Variants in CAND1 observed in about 807,000 individuals in gnomAD.
CAND1 encodes cullin-associated NEDD8-dissociated protein 1.
A neutral mutation model predicts 108.5 loss-of-function variants in CAND1; 7 were observed. That is an observed-to-expected ratio of 0.06 (90% confidence interval 0.04 to 0.12). CAND1 has a LOEUF of 0.12. Among genes scored for constraint, CAND1 ranks in the 10% least tolerant of loss-of-function variants. CAND1 has a pLI of 1.00. For missense variants in CAND1, 941 were observed against 1,448.7 expected (o/e 0.65, Z 5.69); for synonymous variants, 534 against 512.0 (o/e 1.04, Z -0.58).
chr12:67,302,073 T>A (rs1215694430), intron 7 of CAND1, among the ~76,000 whole-genome samples: 1 of 152,182 alleles, frequency 6.6e-6, no homozygotes, highest in Non-Finnish European at 1.5e-5. Flanking sequence ...CATTACAAAG[T>A]AAATGAGAAA....
At chr12:67,275,790 G>C (rs2135989784) in intron 1 of CAND1, among the ~76,000 whole-genome samples, 1 of 152,246 alleles carries the variant, frequency 6.6e-6, no homozygotes, top group Admixed American at 6.5e-5. Flanking sequence ...GTTCCAGACT[G>C]TGTTACTCAT....
chr12:67,312,319 G>A (rs143110755), intron 14 of CAND1, among the ~76,000 whole-genome samples: 4 of 152,186 alleles, frequency 2.6e-5, no homozygotes, highest in African/African-American at 9.6e-5. Flanking sequence ...TAAAGTGTGA[G>A]ACTTGCTAAG....
In CAND1 at chr12:67,269,656, G is replaced by GGCA. The variant is rs2044497895; in HGVS notation, c.-60_-59insAGC. The GGCA allele has an allele frequency of 3.4e-6, 5 of 1,451,210 alleles. No individual in the cohort carries two copies. Among genetic ancestry groups the GGCA allele is most frequent in the Non-Finnish European group, 3.8e-6 (4 of 1,052,188 alleles). The allele number at this position is 1,451,210 out of a possible 1,614,324, so 89.9% of individuals were successfully genotyped here. ...GAGGAGCTCCAGTGGCGGCGGCGGC[G>GGCA]GCGGCAGCGGCAGCGGGCAGCAGCT... On this transcript the variant is annotated 5_prime_UTR_variant, in exon 1 of 15. Coordinates refer to ENST00000545606, the MANE Select transcript of CAND1 (RefSeq NM_018448.5).
Position 67,295,160 on chromosome 12 carries a change from A to C in CAND1, c.491+4A>C. 2 of 1,608,322 alleles carry C rather than the reference A, an allele frequency of 1.2e-6. No individual in the cohort carries two copies. The highest frequency in any genetic ancestry group is 1.7e-6 in the Non-Finnish European group (2 of 1,177,190). ...TTATGGCTGATATGTTGAGCAGGTA[A>C]GTGTGCCTGTTTATTTCCGTTACTC... On this transcript the variant is annotated splice_donor_region_variant and intron_variant, in intron 4 of 14. Coordinates refer to ENST00000545606, the MANE Select transcript of CAND1 (RefSeq NM_018448.5).
intron 4 of CAND1, among the ~76,000 whole-genome samples, chr12:67,296,473 C>T (rs1439222803): frequency 6.6e-6 from 1 of 151,786 alleles, no homozygotes; most frequent in African/African-American, 2.4e-5. Context: ...CTCACTCTGT[C>T]ACCCAGGCTG....
chr12:67,274,700 C>G (rs2044553169), intron 1 of CAND1, among the ~76,000 whole-genome samples: 1 of 152,146 alleles, frequency 6.6e-6, no homozygotes, highest in African/African-American at 2.4e-5. Flanking sequence ...AAATAATTCA[C>G]CCCATTTTGG....
chr12:67,297,335 CCAGA>C (rs2044779024), intron 4 of CAND1, 68 bp from the exon 5 acceptor site: 1 of 1,390,890 alleles, frequency 7.2e-7, no homozygotes, highest in Non-Finnish European at 1.0e-6. Context: ...AGGTCAGAGG[CCAGA>C]CATTTAGTAG....
intron 7 of CAND1, among the ~76,000 whole-genome samples, chr12:67,300,138 A>G (rs2044810297): frequency 6.6e-6 from 1 of 152,166 alleles, no homozygotes. Context: ...AGTCTCGGCA[A>G]CATTTCTTTA....
rs532828116 is a variant in CAND1, at chr12:67,319,621, G to A, written c.*6791G>A. On this transcript the variant is annotated 3_prime_UTR_variant, in exon 15 of 15. Coordinates refer to ENST00000545606, the MANE Select transcript of CAND1 (RefSeq NM_018448.5). ...TCCCCTCCTCCATACCATTGCTGAT[G>A]GTTACTGAGGGTATGGGAAGGGCCG... 2 of 152,320 alleles carry A rather than the reference G, an allele frequency of 1.3e-5. No individual in the cohort carries two copies. Among genetic ancestry groups the A allele is most frequent in the South Asian group, 4.1e-4 (2 of 4,826 alleles). 9.4% of individuals were successfully genotyped at this position (152,320 alleles called of 1,614,324 possible).
At chr12:67,310,373 C>T in intron 13 of CAND1, 57 bp downstream of exon 13, 2 of 1,249,800 alleles carry the variant, frequency 1.6e-6, no homozygotes, top group East Asian at 4.7e-5. Flanking sequence ...GCTAGAGCAA[C>T]TTTCACCCTT....
At chr12:67,289,398 T>C (rs2044701886) in intron 2 of CAND1, among the ~76,000 whole-genome samples, 1 of 152,056 alleles carries the variant, frequency 6.6e-6, no homozygotes, top group Non-Finnish European at 1.5e-5. Flanking sequence ...AATAACATTC[T>C]CTTTTTTTAA....
chr12:67,269,598 G>A lies in CAND1; in HGVS notation c.-120G>A. On this transcript the variant is annotated 5_prime_UTR_variant, in exon 1 of 15. Transcript: ENST00000545606. Reference sequence around the variant, plus strand: ...CTAGTCAGCGTCGGCGTCGCGCTGCGACCCTGGAAGCGGGAGCCGCCGCGA... The same window carrying A: ...CTAGTCAGCGTCGGCGTCGCGCTGCAACCCTGGAAGCGGGAGCCGCCGCGA... The A allele has an allele frequency of 1.2e-6, 1 of 808,026 alleles. No individual in the cohort carries two copies. 50.1% of individuals were successfully genotyped at this position (808,026 alleles called of 1,614,324 possible). A position where few individuals can be genotyped will look rare whatever the true frequency, so the allele number is the denominator to read the frequency against.
chr12:67,309,333 C>A (rs2044924285), intron 11 of CAND1, among the ~76,000 whole-genome samples: 1 of 151,836 alleles, frequency 6.6e-6, no homozygotes. Context: ...CAATTTTCTC[C>A]TTTTATATTA....
chr12:67,269,960 C>T (rs1330313284), intron 1 of CAND1, 175 bp downstream of exon 1: 4 of 559,528 alleles, frequency 7.1e-6, no homozygotes, highest in Non-Finnish European at 1.3e-5. Context: ...TTCCTCTCCC[C>T]TCTTGCAACC....
intron 11 of CAND1, 78 bp from the exon 12 acceptor site, chr12:67,309,823 T>A: frequency 9.9e-7 from 1 of 1,010,070 alleles, no homozygotes; most frequent in Non-Finnish European, 1.4e-6. Flanking sequence ...ATAAATTATA[T>A]CAACTTAGAG....
rs112613482 is a variant in CAND1, at chr12:67,300,399, T to C, written c.1000+1304T>C. On this transcript the variant is annotated intron_variant, in intron 7 of 14. Transcript: ENST00000545606. Reference sequence around the variant, plus strand: ...GATCTCACTTGTGAATCCAGATTCATATGCAACTGCTTAATTAATATTGCT... The same window carrying C: ...GATCTCACTTGTGAATCCAGATTCACATGCAACTGCTTAATTAATATTGCT... Among the ~76,000 whole-genome samples, 247 of 152,310 alleles carry C rather than the reference T, an allele frequency of 1.6e-3. 6 individuals are homozygous for C. Among genetic ancestry groups the C allele is most frequent in the African/African-American group, 5.6e-3 (232 of 41,578 alleles).
chr12:67,282,979 A>G (rs969598878), intron 2 of CAND1, among the ~76,000 whole-genome samples: 10 of 152,164 alleles, frequency 6.6e-5, no homozygotes, highest in African/African-American at 9.7e-5. Flanking sequence ...ATACTGATTT[A>G]GTTTATGAAT....
intron 1 of CAND1, among the ~76,000 whole-genome samples, chr12:67,281,671 T>A (rs548841371): frequency 6.6e-6 from 1 of 152,278 alleles, no homozygotes; most frequent in East Asian, 1.9e-4. Context: ...TAAAAGCATA[T>A]CAGTACTTAA....
In CAND1 at chr12:67,311,763, G is replaced by A. The variant is rs779486090; in HGVS notation, c.3431G>A (p.Arg1144Gln). Residue 1144 changes from arginine to glutamine, a missense_variant, in exon 14 of 15, where the codon CGA becomes CAA. By Grantham distance (43) the Arg-to-Gln change is conservative. This residue lies in a region of CAND1 where 22 missense variants were observed against 24.4 expected (regional missense o/e 0.90). Coordinates refer to ENST00000545606, the MANE Select transcript of CAND1 (RefSeq NM_018448.5). ...AGTGCAGTACTGCAGAGGTTGGACCGACTTGTTGAGCCATTACGTGCAACA... is the reference window on the plus strand; with the variant it reads ...AGTGCAGTACTGCAGAGGTTGGACCAACTTGTTGAGCCATTACGTGCAACA... ...CPSAVLQRLD[R>Q]LVEPLRATCT... is the part of the protein sequence containing the mutation. The A allele has an allele frequency of 2.5e-6, 4 of 1,611,048 alleles. No homozygotes were observed. The highest frequency in any genetic ancestry group is 3.4e-6 in the Non-Finnish European group (4 of 1,177,454).
Sources: gnomAD v4.1 joint callset for allele counts (sites outside exome capture counted in the v4.1 genomes callset) on GRCh38, gnomAD v4.1.1 for gene constraint, gnomAD v4.1.1 regional missense constraint, MANE v1.5 for transcripts, NCBI Gene and HGNC (gene_info 2026-07-23, HGNC 2026-07-21) for gene names.